Variants in ARID1B observed in about 807,000 individuals in gnomAD.
ARID1B encodes AT-rich interactive domain-containing protein 1B.
A neutral mutation model predicts 212.3 loss-of-function variants in ARID1B; 30 were observed. The observed-to-expected ratio is 0.14, with a 90% CI of 0.11 to 0.19. The LOEUF (loss-of-function observed/expected upper bound fraction) is 0.19. Ranked by LOEUF, ARID1B falls within the 10% of genes least tolerant of loss-of-function variation. The pLI is 1.00. For missense variants in ARID1B, 2,891 were observed against 3,204.0 expected, an observed-to-expected ratio of 0.90 and a Z score of 2.36; for synonymous variants, 1,402 against 1,301.7, an observed-to-expected ratio of 1.08 and a Z score of -1.66.
intron 1 of ARID1B, 132 bp from the exon 2 acceptor site, chr6:156,829,095 C>T (rs975147476): frequency 1.0e-5 from 7 of 701,544 alleles, no homozygotes; most frequent in Non-Finnish European, 1.6e-5. Context: ...GATGTTTTGT[C>T]AGGTCATTGT....
At chr6:156,854,071 T>A (rs1239963767) in intron 2 of ARID1B, among the ~76,000 whole-genome samples, 3 of 152,216 alleles carry the variant, frequency 2.0e-5, no homozygotes, top group African/African-American at 7.2e-5. Flanking sequence ...AGGTGATACT[T>A]GTAAATAATT....
chr6:156,921,436 AAAACACACAC>A (rs1790776330), intron 3 of ARID1B, among the ~76,000 whole-genome samples: 1 of 123,266 alleles, frequency 8.1e-6, no homozygotes, highest in South Asian at 2.9e-4. Context: ...ACTTGATGGG[AAAACACACAC>A]ACACACACAC....
At chr6:156,909,116 T>C (rs1053000108) in intron 3 of ARID1B, among the ~76,000 whole-genome samples, 5 of 145,576 alleles carry the variant, frequency 3.4e-5, no homozygotes, top group Non-Finnish European at 5.9e-5. Context: ...TTTTCTTTTT[T>C]CTTTCTCTTT....
At chr6:157,182,662 T>C (rs1390735731) in intron 12 of ARID1B, among the ~76,000 whole-genome samples, 1 of 152,012 alleles carries the variant, frequency 6.6e-6, no homozygotes, top group Non-Finnish European at 1.5e-5. Flanking sequence ...AGGTGCCTAA[T>C]CCATTCCATG....
At chr6:156,996,134 T>G (rs1394386755) in intron 4 of ARID1B, among the ~76,000 whole-genome samples, 1 of 152,230 alleles carries the variant, frequency 6.6e-6, no homozygotes, top group African/African-American at 2.4e-5. Context: ...CTCCAAAATC[T>G]TAATTTTTCT....
chr6:157,171,779 T>C (rs969622113), intron 9 of ARID1B, among the ~76,000 whole-genome samples: 1 of 152,212 alleles, frequency 6.6e-6, no homozygotes, highest in Non-Finnish European at 1.5e-5. Flanking sequence ...AATGTGTTTA[T>C]ATTCATGTAA....
At chr6:156,887,033 G>T (rs921546968) in intron 2 of ARID1B, among the ~76,000 whole-genome samples, 3 of 152,188 alleles carry the variant, frequency 2.0e-5, no homozygotes, top group Non-Finnish European at 4.4e-5. Flanking sequence ...GAAATGGTGG[G>T]CTGGTGGTAG....
chr6:156,800,920 A>G (rs1299242191), intron 1 of ARID1B, among the ~76,000 whole-genome samples: 1 of 152,098 alleles, frequency 6.6e-6, no homozygotes, highest in African/African-American at 2.4e-5. Context: ...ATTAAATGAA[A>G]TTAGTTAATG....
intron 4 of ARID1B, among the ~76,000 whole-genome samples, chr6:156,963,985 C>A (rs1184941616): frequency 6.6e-6 from 1 of 152,214 alleles, no homozygotes; most frequent in African/African-American, 2.4e-5. Context: ...TGATTAATCG[C>A]ACTTGAAGGA....
intron 4 of ARID1B, among the ~76,000 whole-genome samples, chr6:156,949,984 C>G (rs1793454612): frequency 6.6e-6 from 1 of 151,944 alleles, no homozygotes; most frequent in African/African-American, 2.4e-5. Flanking sequence ...TTATTTCTAA[C>G]TCCTTAGGAA....
At position 156,897,261 on chromosome 6, in the gene ARID1B, C is replaced by CTTATTATTATTATTATTATTATTATTA. The variant is rs1299353702; in HGVS notation, c.1987-4113_1987-4112insATTATTATTATTATTATTATTATTATT. Among the ~76,000 whole-genome samples the CTTATTATTATTATTATTATTATTATTA allele has an allele frequency of 1.1e-3, 98 of 92,692 alleles. 2 individuals carry two copies. The highest frequency in any genetic ancestry group is 1.8e-3 in the Non-Finnish European group (76 of 41,688). 60.8% of individuals were successfully genotyped at this position (92,692 alleles called of 152,430 possible). On this transcript the variant is annotated intron_variant, in intron 2 of 19. Transcript: ENST00000636930. ...TCTTCTTCTTCTTCTTCTTCTTCTT[C>CTTATTATTATTATTATTATTATTATTA]TTCTTATTATTATTATTATTATTAT...
chr6:156,859,496 T>G (rs1396851121), intron 2 of ARID1B, among the ~76,000 whole-genome samples: 1 of 152,176 alleles, frequency 6.6e-6, no homozygotes, highest in Non-Finnish European at 1.5e-5. Context: ...ATTTTTTGTT[T>G]GGTGCCTTAC....
At chr6:157,024,728 A>G (rs1415884163) in intron 4 of ARID1B, 2 of 152,260 alleles carry the variant, frequency 1.3e-5, no homozygotes, top group Non-Finnish European at 2.9e-5. Context: ...CCTTGACTGC[A>G]CCAGTGGACT....
At chr6:156,977,164 T>G in intron 4 of ARID1B, 1 of 181,470 alleles carries the variant, frequency 5.5e-6, no homozygotes, top group Non-Finnish European at 1.2e-5. Context: ...CTGGTGTGGT[T>G]TTCTTTGTGT....
intron 7 of ARID1B, among the ~76,000 whole-genome samples, chr6:157,133,411 C>T (rs1157578040): frequency 1.3e-5 from 2 of 152,204 alleles, no homozygotes; most frequent in East Asian, 3.8e-4. Context: ...ATTGGTGAAA[C>T]ATTTATGTAT....
intron 4 of ARID1B, among the ~76,000 whole-genome samples, chr6:157,084,143 C>CACA (rs1784813252): frequency 7.4e-6 from 1 of 134,284 alleles, no homozygotes. Flanking sequence ...ACCTCCCCCC[C>CACA]AAAAAAAAAA....
chr6:156,925,967 A>G (rs1791187072), intron 3 of ARID1B, among the ~76,000 whole-genome samples: 1 of 152,236 alleles, frequency 6.6e-6, no homozygotes, highest in Non-Finnish European at 1.5e-5. Context: ...CTGGTGGAAT[A>G]GGAAACTAAG....
At chr6:157,039,662 C>CT (rs1562569110) in intron 4 of ARID1B, among the ~76,000 whole-genome samples, 11 of 50,024 alleles carry the variant, frequency 2.2e-4, no homozygotes, top group African/African-American at 8.9e-4. Flanking sequence ...TCCTTCCTTC[C>CT]TTCCTTCCTT....
At chr6:157,077,256 C>G (rs149873902) in intron 4 of ARID1B, among the ~76,000 whole-genome samples, 1 of 152,210 alleles carries the variant, frequency 6.6e-6, no homozygotes, top group African/African-American at 2.4e-5. Flanking sequence ...TAAATAGTAC[C>G]TGCAATTTTA....
Sources: allele counts gnomAD v4.1 joint callset (sites outside exome capture counted in the v4.1 genomes callset), GRCh38; gene constraint gnomAD v4.1.1; transcripts MANE v1.5; gene names NCBI Gene and HGNC (gene_info 2026-07-23, HGNC 2026-07-21).